Variants in DLC1 observed in about 807,000 individuals in gnomAD.
The protein encoded by DLC1 is rho GTPase-activating protein 7.
A neutral mutation model predicts 140.3 loss-of-function variants in DLC1; 54 were observed. That is an observed-to-expected ratio of 0.38 (90% confidence interval 0.31 to 0.48). The LOEUF is 0.48. Ranked by LOEUF, DLC1 falls within the 20% of genes least tolerant of loss-of-function variation. The probability of loss-of-function intolerance (pLI) is 0.96; values close to 1 mark genes in which losing one functional copy is unlikely to be tolerated. For missense variants in DLC1, 2,536 were observed against 1,907.0 expected (o/e 1.33, Z -6.14); for synonymous variants, 986 against 728.1 (o/e 1.35, Z -5.70).
intron 2 of DLC1, among the ~76,000 whole-genome samples, chr8:13,483,783 G>T (rs1800845245): frequency 6.6e-6 from 1 of 152,164 alleles, no homozygotes; most frequent in South Asian, 2.1e-4. Context: ...GATTTGCATT[G>T]TTTAAAGATA....
intron 5 of DLC1, among the ~76,000 whole-genome samples, chr8:13,147,663 A>G (rs1424344096): frequency 6.6e-6 from 1 of 151,894 alleles, no homozygotes; most frequent in Non-Finnish European, 1.5e-5. Context: ...CAGCATACTT[A>G]TTATTATTAT....
intron 5 of DLC1, among the ~76,000 whole-genome samples, chr8:13,290,883 T>C (rs866010632): frequency 1.1e-4 from 17 of 151,966 alleles, no homozygotes; most frequent in Admixed American, 3.3e-4. Context: ...CTTGGTAGAG[T>C]GGCCAGAGCT....
chr8:13,580,121 A>ATTTTTTATT (rs71207167), intron 1 of DLC1, among the ~76,000 whole-genome samples: 32 of 150,588 alleles, frequency 2.1e-4, no homozygotes, highest in Non-Finnish European at 3.5e-4. Flanking sequence ...AGTTGGTTAC[A>ATTTTTTATT]TTTATTTTTT....
intron 5 of DLC1, among the ~76,000 whole-genome samples, chr8:13,203,225 G>T (rs985208854): frequency 5.3e-5 from 8 of 152,114 alleles, no homozygotes; most frequent in Non-Finnish European, 8.8e-5. Context: ...TTCTATTTTA[G>T]GTTGGAAGAT....
intron 2 of DLC1, among the ~76,000 whole-genome samples, chr8:13,404,291 G>A (rs931570044): frequency 5.9e-5 from 9 of 152,012 alleles, no homozygotes; most frequent in South Asian, 2.1e-4. Flanking sequence ...GTGGATTTCC[G>A]TGGTGTAAAT....
chr8:13,158,908 G>C (rs1191082111), intron 5 of DLC1, among the ~76,000 whole-genome samples: 1 of 152,048 alleles, frequency 6.6e-6, no homozygotes, highest in African/African-American at 2.4e-5. Flanking sequence ...ACTAACACTG[G>C]AGTCTGGGTT....
intron 2 of DLC1, among the ~76,000 whole-genome samples, chr8:13,435,955 C>A (rs758995241): frequency 2.1e-4 from 32 of 152,184 alleles, no homozygotes; most frequent in Non-Finnish European, 4.1e-4. Flanking sequence ...GCAAGACCCT[C>A]CACCAGCAAA....
chr8:13,086,213 C>G, intron 17 of DLC1, 77 bp downstream of exon 17: 1 of 1,529,552 alleles, frequency 6.5e-7, no homozygotes, highest in Non-Finnish European at 8.8e-7. Context: ...TTGTTTAAGG[C>G]ATTCTTTGCA....
intron 1 of DLC1, among the ~76,000 whole-genome samples, chr8:13,599,919 G>A (rs769018633): frequency 5.3e-5 from 8 of 151,984 alleles, no homozygotes; most frequent in Non-Finnish European, 1.0e-4. Flanking sequence ...GTATCAGTCT[G>A]TATGAGGTAT....
At chr8:13,362,539 T>A (rs917416610) in intron 4 of DLC1, among the ~76,000 whole-genome samples, 2 of 151,958 alleles carry the variant, frequency 1.3e-5, no homozygotes, top group Non-Finnish European at 2.9e-5. Flanking sequence ...TCCCTTCCAC[T>A]CCTGAACGTG....
At chr8:13,431,511 A>AAAAAAAAG (rs1838868253) in intron 2 of DLC1, among the ~76,000 whole-genome samples, 5 of 132,142 alleles carry the variant, frequency 3.8e-5, no homozygotes, top group African/African-American at 8.3e-5. Flanking sequence ...AAAAAAAAAA[A>AAAAAAAAG]AAAAGAAAAG....
chr8:13,383,118 A>G (rs1836348614), intron 4 of DLC1, among the ~76,000 whole-genome samples: 2 of 152,230 alleles, frequency 1.3e-5, no homozygotes, highest in African/African-American at 2.4e-5. Context: ...AACACGGGGC[A>G]TTTCATTAGA....
chr8:13,407,880 G>T (rs1282255143), intron 2 of DLC1, among the ~76,000 whole-genome samples: 1 of 152,142 alleles, frequency 6.6e-6, no homozygotes, highest in Non-Finnish European at 1.5e-5. Context: ...CTGGACTAGT[G>T]TAAAAATCTC....
At chr8:13,126,780 G>A (rs191991998) in intron 5 of DLC1, among the ~76,000 whole-genome samples, 17 of 152,200 alleles carry the variant, frequency 1.1e-4, no homozygotes, top group African/African-American at 3.9e-4. Flanking sequence ...GGCATCTCCC[G>A]CAACATTGGC....
At chr8:13,166,918 G>T (rs1048587043) in intron 5 of DLC1, among the ~76,000 whole-genome samples, 6 of 152,058 alleles carry the variant, frequency 3.9e-5, no homozygotes, top group Admixed American at 2.6e-4. Flanking sequence ...TATTTTTTTG[G>T]AGGTGGCAGA....
chr8:13,333,789 T>C (rs973838511), intron 4 of DLC1, among the ~76,000 whole-genome samples: 3 of 152,232 alleles, frequency 2.0e-5, no homozygotes, highest in Admixed American at 6.5e-5. Flanking sequence ...CTTTGTTAGA[T>C]ATCTACAAAC....
intron 5 of DLC1, among the ~76,000 whole-genome samples, chr8:13,254,238 G>A (rs950267860): frequency 3.3e-5 from 5 of 151,806 alleles, no homozygotes; most frequent in African/African-American, 1.2e-4. Flanking sequence ...AATAGCAACG[G>A]GGAAAACTGT....
At chr8:13,276,435 C>A (rs1831169294) in intron 5 of DLC1, 2 of 1,426,218 alleles carry the variant, frequency 1.4e-6, no homozygotes, top group South Asian at 2.9e-5. Flanking sequence ...GCCCGGGCGC[C>A]GCGACCATGC....
intron 4 of DLC1, among the ~76,000 whole-genome samples, chr8:13,377,166 A>T (rs1836032580): frequency 6.6e-6 from 1 of 152,206 alleles, no homozygotes; most frequent in African/African-American, 2.4e-5. Flanking sequence ...CTCAAGTCCA[A>T]GGGCAGCATC....
Sources: allele counts gnomAD v4.1 joint callset (sites outside exome capture counted in the v4.1 genomes callset), GRCh38; gene constraint gnomAD v4.1.1; transcripts MANE v1.5; gene names NCBI Gene and HGNC (gene_info 2026-07-23, HGNC 2026-07-21).